Variants in DACH2 observed in about 807,000 individuals in gnomAD.
DACH2 encodes the protein dachshund homolog 2.
DACH2 carries 17 observed loss-of-function variants against 35.8 expected under a neutral mutation model. The ratio of observed to expected loss-of-function variants is 0.48; its 90% confidence interval spans 0.33 to 0.71. The LOEUF (loss-of-function observed/expected upper bound fraction) is 0.71, where lower values mean the gene tolerates loss of function less well. DACH2 is among the 30% of genes least tolerant of loss of function. DACH2 has a pLI of 0.02. For missense variants in DACH2, 469 were observed against 472.7 expected (o/e 0.99, Z 0.07); for synonymous variants, 195 against 177.3 (o/e 1.10, Z -0.79).
At chrX:86,263,821 C>T (rs934233117) in intron 1 of DACH2, among the ~76,000 whole-genome samples, 5 of 111,890 alleles carry the variant, frequency 4.5e-5, no homozygotes, top group African/African-American at 1.6e-4. Context: ...CAGGTAGAAA[C>T]CCAGACTGGG....
chrX:86,635,681 G>T (rs946840647), intron 3 of DACH2, among the ~76,000 whole-genome samples: 1 of 111,778 alleles, frequency 8.9e-6, no homozygotes, highest in Admixed American at 9.5e-5. Flanking sequence ...CTTCAATGAA[G>T]TCTCAAAATA....
chrX:86,265,673 G>A (rs914245210), intron 1 of DACH2, among the ~76,000 whole-genome samples: 12 of 111,486 alleles, frequency 1.1e-4, no homozygotes, highest in African/African-American at 3.9e-4. Flanking sequence ...AAGAGTTGGT[G>A]CCTGTTAAAG....
At chrX:86,806,509 G>T (rs2042346458) in intron 7 of DACH2, among the ~76,000 whole-genome samples, 2 of 111,738 alleles carry the variant, frequency 1.8e-5, no homozygotes, top group East Asian at 2.8e-4. Context: ...TGCAGTATTT[G>T]CATATACATA....
intron 2 of DACH2, among the ~76,000 whole-genome samples, chrX:86,488,464 G>A (rs994744861): frequency 9.0e-6 from 1 of 111,061 alleles, no homozygotes; most frequent in African/African-American, 3.3e-5. Flanking sequence ...CAGTGTGCTG[G>A]ATCTAGATTC....
intron 2 of DACH2, among the ~76,000 whole-genome samples, chrX:86,464,876 A>G (rs2037639236): frequency 1.8e-5 from 2 of 111,476 alleles, no homozygotes; most frequent in African/African-American, 3.3e-5. Flanking sequence ...AGAAAAGAAC[A>G]TAACTGAACT....
chrX:86,557,374 G>A (rs2039147263), intron 3 of DACH2, among the ~76,000 whole-genome samples: 1 of 110,231 alleles, frequency 9.1e-6, no homozygotes, highest in Admixed American at 9.7e-5. Flanking sequence ...GTCAGGTAGT[G>A]TGATGCCTCC....
At chrX:86,531,452 A>T (rs951892546) in intron 3 of DACH2, among the ~76,000 whole-genome samples, 2 of 111,758 alleles carry the variant, frequency 1.8e-5, no homozygotes, top group Admixed American at 9.5e-5. Flanking sequence ...CCCTGTGTCC[A>T]TGCCACTCCA....
At chrX:86,756,150 A>G (rs2041827086) in intron 7 of DACH2, among the ~76,000 whole-genome samples, 1 of 111,195 alleles carries the variant, frequency 9.0e-6, no homozygotes, top group Admixed American at 9.6e-5. Flanking sequence ...GCCTTGTAAT[A>G]TATTTTGAAG....
intron 1 of DACH2, among the ~76,000 whole-genome samples, chrX:86,207,183 A>G (rs1220026754): frequency 9.0e-6 from 1 of 111,624 alleles, no homozygotes; most frequent in African/African-American, 3.3e-5. Flanking sequence ...AGGCACAGAT[A>G]CAAGTTCCCA....
At chrX:86,546,407 T>TCTTC (rs2038967844) in intron 3 of DACH2, among the ~76,000 whole-genome samples, 2 of 87,341 alleles carry the variant, frequency 2.3e-5, no homozygotes, top group Admixed American at 1.3e-4. Context: ...TCTTCTTCCT[T>TCTTC]CTTCTTCTTC....
intron 2 of DACH2, among the ~76,000 whole-genome samples, chrX:86,495,593 C>T (rs1029881287): frequency 1.8e-5 from 2 of 109,917 alleles, no homozygotes; most frequent in East Asian, 2.9e-4. Flanking sequence ...GAAGATCACT[C>T]GGGGCCAGTA....
At chrX:86,317,964 T>C (rs766294921) in intron 1 of DACH2, among the ~76,000 whole-genome samples, 1 of 111,595 alleles carries the variant, frequency 9.0e-6, no homozygotes, top group Non-Finnish European at 1.9e-5. Context: ...CTTGACTCCT[T>C]AAAGGGAAAT....
intron 7 of DACH2, among the ~76,000 whole-genome samples, chrX:86,801,194 G>A (rs1172146424): frequency 9.3e-6 from 1 of 107,554 alleles, no homozygotes; most frequent in Non-Finnish European, 1.9e-5. Flanking sequence ...TATAAAACAC[G>A]TGATGGCTCA....
chrX:86,584,956 C>A (rs1446498741), intron 3 of DACH2, among the ~76,000 whole-genome samples: 2 of 111,190 alleles, frequency 1.8e-5, no homozygotes, highest in Admixed American at 1.9e-4. Flanking sequence ...CCACCTGAAT[C>A]TATGTCATGG....
At chrX:86,603,624 A>C (rs1377254854) in intron 3 of DACH2, among the ~76,000 whole-genome samples, 2 of 111,228 alleles carry the variant, frequency 1.8e-5, no homozygotes, top group African/African-American at 6.5e-5. Context: ...TTAATTTTTC[A>C]ACTATCCAGC....
rs761724458 is a variant in DACH2 at position 86,160,056 on chromosome X, A to C, written c.488+10948A>C. 1.3e-4 allele frequency among the ~76,000 whole-genome samples: 14 copies of C among 107,806 alleles called. 1 individual carries two copies. Among genetic ancestry groups the C allele is most frequent in the African/African-American group, 4.7e-4 (13 of 27,395 alleles). The allele number at this position is 107,806 out of a possible 115,157, so 93.6% of individuals were successfully genotyped here. On this transcript the variant is annotated intron_variant, in intron 1 of 11. Coordinates refer to ENST00000373125, the MANE Select transcript of DACH2 (RefSeq NM_053281.3). ...CTGCCACATGTAAAAAAAAAAACAA[A>C]AAAAACAAAGTGTTCCACAAAACAT...
chrX:86,480,255 G>A (rs1163212332), intron 2 of DACH2, among the ~76,000 whole-genome samples: 2 of 112,248 alleles, frequency 1.8e-5, no homozygotes, highest in Non-Finnish European at 3.8e-5. Flanking sequence ...TGTTGGATAA[G>A]ATCCAGAATA....
chrX:86,383,010 A>G (rs1046988406), intron 2 of DACH2, among the ~76,000 whole-genome samples: 3 of 110,538 alleles, frequency 2.7e-5, no homozygotes, highest in Non-Finnish European at 5.7e-5. Flanking sequence ...ATTTTATTGC[A>G]TTGCTTCCAC....
intron 2 of DACH2, among the ~76,000 whole-genome samples, chrX:86,436,030 C>T (rs746113128): frequency 9.0e-6 from 1 of 111,281 alleles, no homozygotes; most frequent in South Asian, 3.7e-4. Context: ...ATATATCCCA[C>T]AATATTTTAG....
Sources: gnomAD v4.1 joint callset for allele counts (sites outside exome capture counted in the v4.1 genomes callset) on GRCh38, gnomAD v4.1.1 for gene constraint, MANE v1.5 for transcripts, NCBI Gene and HGNC (gene_info 2026-07-23, HGNC 2026-07-21) for gene names.